NAF1: variants seen among roughly 807,000 people sequenced by gnomAD.
The protein encoded by NAF1 is H/ACA ribonucleoprotein complex non-core subunit NAF1.
A neutral mutation model predicts 40.6 loss-of-function variants in NAF1; 11 were observed. The ratio of observed to expected loss-of-function variants is 0.27; its 90% CI spans 0.17 to 0.45. The LOEUF is 0.45. NAF1 is among the 20% of genes least tolerant of loss of function. The probability of loss-of-function intolerance (pLI) is 1.00; values close to 1 mark genes in which losing one functional copy is unlikely to be tolerated. For synonymous variants in NAF1, 260 were observed against 228.5 expected, an observed-to-expected ratio of 1.14 and a Z score of -1.24; for missense variants, 607 against 611.1, an observed-to-expected ratio of 0.99 and a Z score of 0.07.
chr4:163,133,189 C>T lies in NAF1; in HGVS notation c.998G>A (p.Gly333Asp), dbSNP rs1730934675. The T allele has an allele frequency of 1.2e-6, 2 of 1,613,762 alleles. No homozygotes were observed. Among genetic ancestry groups the T allele is most frequent in the Non-Finnish European group, 1.7e-6 (2 of 1,179,858 alleles). The change falls in exon 7 of 8, where the codon GGC (glycine) becomes GAC (aspartate). Residue 333 changes from glycine to aspartate, a missense_variant. Around this residue, in one of 3 missense-constraint regions of NAF1, gnomAD observed 189 missense variants for 216.6 expected, o/e 0.87. Coordinates refer to ENST00000274054, the MANE Select transcript of NAF1 (RefSeq NM_138386.3). Reference protein sequence around the residue: ...AKQRKKSQIQGRKKLKSEFNE... With the variant: ...AKQRKKSQIQDRKKLKSEFNE... ...AAATTCAGATTTGAGTTTTTTCCGG[C>T]CTTGAATCTGAGATTTTTTCCTCTG...
intron 4 of NAF1, among the ~76,000 whole-genome samples, chr4:163,144,262 G>A (rs986983619): frequency 6.6e-6 from 1 of 152,162 alleles, no homozygotes; most frequent in African/African-American, 2.4e-5. Context: ...GAAGGGAAAT[G>A]AACCTGGGCT....
At position 163,166,548 on chromosome 4, in the gene NAF1, C is replaced by T. The variant is rs1157515464; in HGVS notation, c.180G>A (p.Lys60=). 6.3e-7 allele frequency: 1 copy of T among 1,592,378 alleles called. No individual in the cohort carries two copies. Among genetic ancestry groups the T allele is most frequent in the Non-Finnish European group, 8.5e-7 (1 of 1,170,670 alleles). Residue 60 remains lysine (K), a synonymous_variant, in exon 1 of 8, where the codon AAG becomes AAA. Coordinates refer to ENST00000274054, the MANE Select transcript of NAF1 (RefSeq NM_138386.3). Reference sequence around the variant, plus strand: ...GCTGCAGAGGCTGCTCCCCGGCAGGCTTAACCTCCACGGTCTGCCCAGCGT... The same window carrying T: ...GCTGCAGAGGCTGCTCCCCGGCAGGTTTAACCTCCACGGTCTGCCCAGCGT... ...SPDAGQTVEV[K]PAGEQPLQPV... is the part of the protein sequence containing the mutation.
At chr4:163,161,675 GCTC>G (rs1233514502) in intron 2 of NAF1, among the ~76,000 whole-genome samples, 1 of 152,136 alleles carries the variant, frequency 6.6e-6, no homozygotes, top group Non-Finnish European at 1.5e-5. Context: ...ATGAGTCTCT[GCTC>G]CTCCTAACAA....
downstream of NAF1, among the ~76,000 whole-genome samples, chr4:163,105,869 C>G (rs1730041166): frequency 6.6e-6 from 1 of 152,122 alleles, no homozygotes; most frequent in Non-Finnish European, 1.5e-5. Context: ...AATGCAAGCT[C>G]TAATTCAACT....
At chr4:163,165,834 CT>C (rs1560812603) in intron 1 of NAF1, among the ~76,000 whole-genome samples, 6 of 152,322 alleles carry the variant, frequency 3.9e-5, no homozygotes, top group African/African-American at 1.4e-4. Context: ...CTAAATAACA[CT>C]GTTTGGCTAC....
chr4:163,114,783 G>A lies in NAF1; in HGVS notation c.115-4493C>T, dbSNP rs978172094. Among the ~76,000 whole-genome samples, 6 of 151,990 alleles carry A rather than the reference G, an allele frequency of 3.9e-5. 1 individual carries two copies. The highest frequency in any genetic ancestry group is 2.1e-4 in the South Asian group (1 of 4,828). ...TTTTCTACTTTCTGGTAAAGTTTAC[G>A]TAAAATTACATATTTTGTCCTAAAA... On this transcript the variant is annotated intron_variant, in intron 2 of 2. Transcript: ENST00000509434.
intron 4 of NAF1, among the ~76,000 whole-genome samples, chr4:163,141,126 G>C (rs1731243378): frequency 6.6e-6 from 1 of 152,202 alleles, no homozygotes. Flanking sequence ...AGCACTTTAG[G>C]AGGTGAGGCG....
At chr4:163,156,420 C>A (rs1486601087) in intron 2 of NAF1, among the ~76,000 whole-genome samples, 1 of 145,128 alleles carries the variant, frequency 6.9e-6, no homozygotes, top group Admixed American at 6.8e-5. Context: ...ATACCAACAA[C>A]CCCTGTTAAA....
intron 2 of NAF1, among the ~76,000 whole-genome samples, chr4:163,151,037 T>C (rs1731679278): frequency 6.6e-6 from 1 of 152,088 alleles, no homozygotes; most frequent in South Asian, 2.1e-4. Context: ...TGGCCATTTT[T>C]ATGTGTGTTA....
At chr4:163,107,502 T>A (rs1409531316), downstream of NAF1, among the ~76,000 whole-genome samples, 4 of 152,300 alleles carry the variant, frequency 2.6e-5, no homozygotes, top group East Asian at 7.7e-4. Flanking sequence ...CAGGTTTAGA[T>A]CGTCTTGTAG....
chr4:163,136,939 AATG>A (rs1340977441), intron 6 of NAF1, among the ~76,000 whole-genome samples: 1 of 152,226 alleles, frequency 6.6e-6, no homozygotes, highest in Non-Finnish European at 1.5e-5. Context: ...CTACAATGTA[AATG>A]ATAAGGTGAT....
At chr4:163,129,479 A>T in intron 7 of NAF1, 131 bp from the exon 8 acceptor site, 1 of 994,050 alleles carries the variant, frequency 1.0e-6, no homozygotes, top group Non-Finnish European at 1.4e-6. Flanking sequence ...GTAAGACATA[A>T]AATGGTAAAT....
intron 7 of NAF1, among the ~76,000 whole-genome samples, chr4:163,132,082 C>T (rs545878617): frequency 6.6e-6 from 1 of 152,174 alleles, no homozygotes; most frequent in Admixed American, 6.5e-5. Flanking sequence ...GGAGAAAATG[C>T]AAAGAAATTG....
intron 2 of NAF1, among the ~76,000 whole-genome samples, chr4:163,150,694 A>C (rs1028035910): frequency 6.6e-6 from 1 of 152,038 alleles, no homozygotes; most frequent in Non-Finnish European, 1.5e-5. Flanking sequence ...GACACAACAT[A>C]TATCTGCCCT....
downstream of NAF1, among the ~76,000 whole-genome samples, chr4:163,105,163 A>G (rs115068566): frequency 4.0e-4 from 61 of 152,336 alleles, no homozygotes; most frequent in African/African-American, 1.4e-3. Context: ...AGAGGTTAAG[A>G]TATCAGCCAT....
intron 2 of NAF1, among the ~76,000 whole-genome samples, chr4:163,162,409 A>T (rs555052034): frequency 4.6e-5 from 7 of 152,336 alleles, no homozygotes; most frequent in Non-Finnish European, 8.8e-5. Flanking sequence ...AGGACTTCTA[A>T]TAAGTTTCCC....
rs546349018 is a variant in NAF1, at chr4:163,158,632, ACT to A, written c.540+5583_540+5584del. Reference sequence around the variant, plus strand: ...TATTATCCTGTTTTTCTCTAAAATTACTGTTAAGAGAAACAAAGTTCATAATA... The same window carrying A: ...TATTATCCTGTTTTTCTCTAAAATTAGTTAAGAGAAACAAAGTTCATAATA... On this transcript the variant is annotated intron_variant, in intron 2 of 7. Transcript: ENST00000274054. Among the ~76,000 whole-genome samples the A allele has an allele frequency of 3.4e-3, 408 of 121,066 alleles. 2 individuals are homozygous for A. Among genetic ancestry groups the A allele is most frequent in the African/African-American group, 0.012 (387 of 32,140 alleles). 79.4% of individuals were successfully genotyped at this position (121,066 alleles called of 152,430 possible). A position where few individuals can be genotyped will look rare whatever the true frequency, so the allele number is the denominator to read the frequency against.
chr4:163,143,403 G>A (rs1731337217), intron 4 of NAF1, among the ~76,000 whole-genome samples: 1 of 151,018 alleles, frequency 6.6e-6, no homozygotes. Context: ...AGCGTAGGCT[G>A]GGCTTAAATG....
intron 3 of NAF1, among the ~76,000 whole-genome samples, chr4:163,146,715 C>T (rs1023855709): frequency 2.6e-5 from 4 of 152,090 alleles, no homozygotes; most frequent in East Asian, 1.9e-4. Flanking sequence ...GGGAGGCTGG[C>T]GAGGAAGGAC....
Sources: gnomAD v4.1 joint callset for allele counts (sites outside exome capture counted in the v4.1 genomes callset) on GRCh38, gnomAD v4.1.1 for gene constraint, gnomAD v4.1.1 regional missense constraint, MANE v1.5 for transcripts, NCBI Gene and HGNC (gene_info 2026-07-23, HGNC 2026-07-21) for gene names.